The following ST6GALNAC3 variants were observed in gnomAD, a reference collection of about 807,000 sequenced individuals.
ST6GALNAC3 encodes the protein alpha-N-acetylgalactosaminide alpha-2,6-sialyltransferase 3.
A neutral mutation model predicts 32.7 loss-of-function variants in ST6GALNAC3; 25 were observed. That is an observed-to-expected ratio of 0.76 (90% CI 0.56 to 1.07). The LOEUF is 1.07. Among genes scored for constraint, ST6GALNAC3 ranks in the 50% least tolerant of loss-of-function variants. ST6GALNAC3 has a pLI of 0.00. For missense variants in ST6GALNAC3, 355 were observed against 382.4 expected (o/e 0.93, Z 0.60); for synonymous variants, 129 against 133.1 (o/e 0.97, Z 0.21).
At chr1:76,202,912 A>G (rs760728357) in intron 1 of ST6GALNAC3, among the ~76,000 whole-genome samples, 2 of 152,188 alleles carry the variant, frequency 1.3e-5, no homozygotes, top group Admixed American at 1.3e-4. Flanking sequence ...GAGGAAGAAC[A>G]CACTTCCTGA....
chr1:76,349,793 GTTC>G (rs1648822993), intron 2 of ST6GALNAC3, among the ~76,000 whole-genome samples: 1 of 151,930 alleles, frequency 6.6e-6, no homozygotes, highest in Admixed American at 6.6e-5. Context: ...TAGCATTTTG[GTTC>G]TTCTGTTGTT....
intron 1 of ST6GALNAC3, among the ~76,000 whole-genome samples, chr1:76,187,773 T>C (rs1360293114): frequency 4.0e-5 from 6 of 151,622 alleles, no homozygotes; most frequent in Non-Finnish European, 8.8e-5. Context: ...ACACACAACC[T>C]CAGAAAACCG....
chr1:76,547,022 T>G (rs1664339450), intron 3 of ST6GALNAC3, among the ~76,000 whole-genome samples: 1 of 152,184 alleles, frequency 6.6e-6, no homozygotes, highest in Non-Finnish European at 1.5e-5. Flanking sequence ...AGGAGAGGCC[T>G]GGAAACTAAT....
chr1:76,553,082 C>A (rs1664731046), intron 3 of ST6GALNAC3, among the ~76,000 whole-genome samples: 1 of 152,082 alleles, frequency 6.6e-6, no homozygotes, highest in South Asian at 2.1e-4. Context: ...GATAATAATA[C>A]ACATTGGTAA....
At chr1:76,313,135 A>G (rs1228425692) in intron 1 of ST6GALNAC3, among the ~76,000 whole-genome samples, 1 of 152,140 alleles carries the variant, frequency 6.6e-6, no homozygotes, top group Non-Finnish European at 1.5e-5. Flanking sequence ...GGTGCTAGAT[A>G]CAGAAACAGA....
chr1:76,408,488 G>T (rs1364813526), intron 2 of ST6GALNAC3, among the ~76,000 whole-genome samples: 1 of 152,088 alleles, frequency 6.6e-6, no homozygotes, highest in Non-Finnish European at 1.5e-5. Context: ...ACAAGAGGCT[G>T]TTGTTCCCAA....
chr1:76,378,915 G>C (rs1335486211), intron 2 of ST6GALNAC3, among the ~76,000 whole-genome samples: 3 of 151,896 alleles, frequency 2.0e-5, no homozygotes, highest in Admixed American at 6.6e-5. Flanking sequence ...GTTTTCTTTT[G>C]AGATGGCGTC....
intron 3 of ST6GALNAC3, among the ~76,000 whole-genome samples, chr1:76,624,016 C>T (rs1648807980): frequency 6.6e-6 from 1 of 151,928 alleles, no homozygotes; most frequent in Admixed American, 6.6e-5. Context: ...ACTTTGCTAG[C>T]CCTAGCTTGT....
chr1:76,428,880 C>T (rs1195451335), intron 3 of ST6GALNAC3, among the ~76,000 whole-genome samples: 2 of 151,980 alleles, frequency 1.3e-5, no homozygotes, highest in East Asian at 1.9e-4. Flanking sequence ...ATTGTATATG[C>T]GGAGACATTA....
intron 1 of ST6GALNAC3, among the ~76,000 whole-genome samples, chr1:76,142,301 T>C (rs1650378398): frequency 6.6e-6 from 1 of 152,218 alleles, no homozygotes; most frequent in Non-Finnish European, 1.5e-5. Flanking sequence ...AGTGTGTTTC[T>C]CTTTCACATG....
At chr1:76,272,299 G>T (rs977226265) in intron 1 of ST6GALNAC3, among the ~76,000 whole-genome samples, 2 of 146,630 alleles carry the variant, frequency 1.4e-5, no homozygotes, top group Non-Finnish European at 3.0e-5. Context: ...TTTCAGCCTG[G>T]GTGACAGGGC....
intron 1 of ST6GALNAC3, among the ~76,000 whole-genome samples, chr1:76,148,748 C>T (rs1360027704): frequency 6.6e-6 from 1 of 152,320 alleles, no homozygotes; most frequent in Admixed American, 6.5e-5. Context: ...TAACTTTTCT[C>T]TCTTTCAAAA....
intron 1 of ST6GALNAC3, among the ~76,000 whole-genome samples, chr1:76,147,104 C>T (rs998554049): frequency 6.0e-5 from 9 of 150,970 alleles, no homozygotes; most frequent in African/African-American, 2.2e-4. Context: ...ACTCTGTCTC[C>T]CAGGCTGGAG....
intron 1 of ST6GALNAC3, among the ~76,000 whole-genome samples, chr1:76,225,331 T>C (rs905422240): frequency 6.6e-6 from 1 of 152,206 alleles, no homozygotes; most frequent in Non-Finnish European, 1.5e-5. Context: ...AACCTGTGAC[T>C]TTAGCTTATG....
At chr1:76,222,399 T>C (rs1413293131) in intron 1 of ST6GALNAC3, among the ~76,000 whole-genome samples, 1 of 152,048 alleles carries the variant, frequency 6.6e-6, no homozygotes, top group Non-Finnish European at 1.5e-5. Context: ...AATTGACAAA[T>C]GGGACCTAAT....
intron 2 of ST6GALNAC3, among the ~76,000 whole-genome samples, chr1:76,321,653 C>T (rs183082977): frequency 7.2e-5 from 11 of 152,278 alleles, no homozygotes; most frequent in African/African-American, 2.4e-4. Context: ...AAGTCACATC[C>T]ATCAGTCAGT....
In ST6GALNAC3 at chr1:76,155,962, C is replaced by G. The variant is rs183719541; in HGVS notation, c.18+81078C>G. ...TCCGGGAGCCTACCCAGGATACCGC[C>G]TTACCTTAGTTGTCATGTCTTCTTA... On this transcript the variant is annotated intron_variant, in intron 1 of 4. Transcript: ENST00000328299. Among the ~76,000 whole-genome samples the G allele has an allele frequency of 2.1e-3, 326 of 152,266 alleles. 1 individual carries two copies. The highest frequency in any genetic ancestry group is 7.3e-3 in the African/African-American group (305 of 41,554).
At position 76,438,430 on chromosome 1, in the gene ST6GALNAC3, C is replaced by T. The variant is rs1021199331; in HGVS notation, c.623+26013C>T. Among the ~76,000 whole-genome samples the T allele has an allele frequency of 2.6e-5, 4 of 152,126 alleles. No individual in the cohort carries two copies. The South Asian group carries it at 8.3e-4, about 31-fold the overall frequency. Reference sequence around the variant, plus strand: ...CTGGGATTACAGGCGTGAGCCACCCCGCCTGGCCCATATTCTGACTTTTTA... The same window carrying T: ...CTGGGATTACAGGCGTGAGCCACCCTGCCTGGCCCATATTCTGACTTTTTA... On this transcript the variant is annotated intron_variant, in intron 3 of 4. Coordinates refer to ENST00000328299, the MANE Select transcript of ST6GALNAC3 (RefSeq NM_152996.4).
intron 1 of ST6GALNAC3, among the ~76,000 whole-genome samples, chr1:76,312,807 C>T (rs547244939): frequency 3.9e-5 from 6 of 152,246 alleles, no homozygotes; most frequent in South Asian, 2.1e-4. Context: ...TCTCCTTCTT[C>T]GTGCTCCAGT....
Sources: allele counts gnomAD v4.1 joint callset (sites outside exome capture counted in the v4.1 genomes callset), GRCh38; gene constraint gnomAD v4.1.1; transcripts MANE v1.5; gene names NCBI Gene and HGNC (gene_info 2026-07-23, HGNC 2026-07-21).